PCDH9: variants seen among roughly 807,000 people sequenced by gnomAD.
PCDH9 encodes the protein protocadherin 9.
PCDH9 carries 24 observed loss-of-function variants against 70.6 expected under a neutral mutation model. The observed-to-expected ratio is 0.34, with a 90% CI of 0.25 to 0.48. PCDH9 has a LOEUF of 0.48. PCDH9 is among the 20% of genes least tolerant of loss of function. The pLI is 0.99. For synonymous variants in PCDH9, 562 were observed against 558.5 expected (o/e 1.01, Z -0.09); for missense variants, 1,281 against 1,503.6 (o/e 0.85, Z 2.45).
At chr13:66,791,591 A>G (rs2080164663) in intron 3 of PCDH9, among the ~76,000 whole-genome samples, 1 of 152,144 alleles carries the variant, frequency 6.6e-6, no homozygotes, top group South Asian at 2.1e-4. Flanking sequence ...TTATGTTTTT[A>G]CATACATGTA....
intron 4 of PCDH9, among the ~76,000 whole-genome samples, chr13:66,489,637 A>G (rs1959001505): frequency 6.6e-6 from 1 of 152,114 alleles, no homozygotes; most frequent in African/African-American, 2.4e-5. Flanking sequence ...GTATACAACT[A>G]CATGTTCACT....
chr13:67,101,053 G>A (rs1164375565), intron 2 of PCDH9, among the ~76,000 whole-genome samples: 1 of 152,120 alleles, frequency 6.6e-6, no homozygotes, highest in Non-Finnish European at 1.5e-5. Flanking sequence ...GCAGCAGAAG[G>A]CAGAATCATT....
At chr13:66,475,515 T>G (rs946781009) in intron 4 of PCDH9, among the ~76,000 whole-genome samples, 1 of 152,126 alleles carries the variant, frequency 6.6e-6, no homozygotes, top group South Asian at 2.1e-4. Flanking sequence ...TAACATACTA[T>G]TTTTTACAGC....
intron 4 of PCDH9, among the ~76,000 whole-genome samples, chr13:66,516,265 C>T (rs117339738): frequency 0.011 from 1,649 of 151,916 alleles, 39 homozygotes; most frequent in East Asian, 0.092. Flanking sequence ...AAGACAATCA[C>T]GTATATAGTA....
chr13:66,743,440 C>T (rs1037122254), intron 3 of PCDH9, among the ~76,000 whole-genome samples: 1 of 147,690 alleles, frequency 6.8e-6, no homozygotes, highest in Non-Finnish European at 1.5e-5. Flanking sequence ...CACATGTATA[C>T]ATATGTAACT....
intron 4 of PCDH9, chr13:66,323,049 T>C (rs1444917230): frequency 6.6e-6 from 1 of 152,032 alleles, no homozygotes; most frequent in Admixed American, 6.6e-5. Flanking sequence ...AGCTACTGCA[T>C]TTCCAAGCAT....
intron 3 of PCDH9, among the ~76,000 whole-genome samples, chr13:66,822,150 A>ACACACC (rs2080723274): frequency 6.6e-6 from 1 of 151,592 alleles, no homozygotes. Context: ...ACACACACAC[A>ACACACC]CACACACACT....
chr13:66,559,652 T>A (rs1026169315), intron 4 of PCDH9, among the ~76,000 whole-genome samples: 3 of 151,190 alleles, frequency 2.0e-5, no homozygotes, highest in African/African-American at 7.3e-5. Flanking sequence ...TACAAAAAAT[T>A]AGCCGGGCGT....
At chr13:66,818,899 A>C (rs1026901942) in intron 3 of PCDH9, among the ~76,000 whole-genome samples, 6 of 151,752 alleles carry the variant, frequency 4.0e-5, no homozygotes, top group African/African-American at 1.5e-4. Context: ...GCGCCACTGC[A>C]CTCCAGCCTG....
At chr13:66,356,542 T>C (rs1956385921) in intron 4 of PCDH9, among the ~76,000 whole-genome samples, 1 of 152,056 alleles carries the variant, frequency 6.6e-6, no homozygotes, top group South Asian at 2.1e-4. Flanking sequence ...TGTCGGTGTT[T>C]TTCACTCCAA....
intron 2 of PCDH9, among the ~76,000 whole-genome samples, chr13:66,976,163 A>G (rs2139758313): frequency 6.6e-6 from 1 of 152,212 alleles, no homozygotes; most frequent in South Asian, 2.1e-4. Flanking sequence ...CATCCAATCC[A>G]TCTAACTGAT....
At chr13:67,080,619 T>A (rs1382857173) in intron 2 of PCDH9, among the ~76,000 whole-genome samples, 1 of 152,238 alleles carries the variant, frequency 6.6e-6, no homozygotes, top group African/African-American at 2.4e-5. Context: ...TAACTATGAC[T>A]GATTTGTGCA....
At chr13:66,660,536 T>TA (rs985550577) in intron 3 of PCDH9, among the ~76,000 whole-genome samples, 3 of 152,210 alleles carry the variant, frequency 2.0e-5, no homozygotes, top group African/African-American at 4.8e-5. Flanking sequence ...TTCTTTGCAG[T>TA]AAAAATCAAA....
chr13:66,606,690 C>G (rs1349085067), intron 4 of PCDH9, among the ~76,000 whole-genome samples: 2 of 151,984 alleles, frequency 1.3e-5, no homozygotes, highest in East Asian at 1.9e-4. Context: ...TACATCTGTC[C>G]TAAATCATTT....
chr13:66,767,524 A>G (rs1246018521), intron 3 of PCDH9, among the ~76,000 whole-genome samples: 2 of 152,118 alleles, frequency 1.3e-5, no homozygotes, highest in African/African-American at 4.8e-5. Context: ...GCTGGAGACT[A>G]AAATTGATAC....
intron 4 of PCDH9, among the ~76,000 whole-genome samples, chr13:66,581,110 A>C (rs1024630368): frequency 1.3e-5 from 2 of 152,204 alleles, no homozygotes; most frequent in Non-Finnish European, 2.9e-5. Flanking sequence ...CTTTACCATA[A>C]AATGAGGAAT....
At chr13:66,528,913 C>A (rs1960324186) in intron 4 of PCDH9, among the ~76,000 whole-genome samples, 1 of 152,016 alleles carries the variant, frequency 6.6e-6, no homozygotes, top group Non-Finnish European at 1.5e-5. Flanking sequence ...CCTCTCATTA[C>A]TCAATTAATT....
chr13:66,760,098 A>T (rs1367351427), intron 3 of PCDH9, among the ~76,000 whole-genome samples: 2 of 152,156 alleles, frequency 1.3e-5, no homozygotes, highest in African/African-American at 2.4e-5. Flanking sequence ...TTTCAGAAAG[A>T]TAGCTTTGCA....
intron 4 of PCDH9, among the ~76,000 whole-genome samples, chr13:66,598,160 C>T (rs150723672): frequency 1.2e-3 from 187 of 151,776 alleles, no homozygotes; most frequent in African/African-American, 4.3e-3. Context: ...GTGACCACTA[C>T]AGAAAATGGT....
Sources: allele counts gnomAD v4.1 joint callset (sites outside exome capture counted in the v4.1 genomes callset), GRCh38; gene constraint gnomAD v4.1.1; transcripts MANE v1.5; gene names NCBI Gene and HGNC (gene_info 2026-07-23, HGNC 2026-07-21).